The following ABCC8 variants were observed in gnomAD, a reference collection of about 807,000 sequenced individuals.
ABCC8 encodes the protein ATP-binding cassette sub-family C member 8.
ABCC8 carries 137 observed loss-of-function variants against 188.0 expected under a neutral mutation model. The observed-to-expected ratio is 0.73, with a 90% CI of 0.63 to 0.84. The LOEUF (loss-of-function observed/expected upper bound fraction) is 0.84, where lower values mean the gene tolerates loss of function less well. ABCC8 is among the 40% of genes least tolerant of loss of function. ABCC8 has a pLI of 0.00. For missense variants in ABCC8, 1,750 were observed against 2,072.7 expected (o/e 0.84, Z 3.02); for synonymous variants, 797 against 846.5 (o/e 0.94, Z 1.01).
intron 35 of ABCC8, 51 bp downstream of exon 35, chr11:17,395,559 G>A (rs1034456496): frequency 2.5e-5 from 39 of 1,538,528 alleles, no homozygotes; most frequent in Non-Finnish European, 3.1e-5. Context: ...CAGATCTGAT[G>A]GAACTGAGCC....
chr11:17,454,797 G>A (rs1956934113), intron 6 of ABCC8, among the ~76,000 whole-genome samples: 1 of 152,174 alleles, frequency 6.6e-6, no homozygotes, highest in African/African-American at 2.4e-5. Flanking sequence ...ATGAACCTGA[G>A]TGATGTCAAA....
chr11:17,471,117 T>C (rs2237967), intron 2 of ABCC8, among the ~76,000 whole-genome samples: 88,279 of 152,190 alleles, frequency 0.58, 26,908 homozygotes, highest in African/African-American at 0.77. Context: ...CTGCTACAGC[T>C]TGCTGCCTCA....
downstream of ABCC8, chr11:17,392,629 C>G (rs1357858601): frequency 5.4e-6 from 2 of 368,336 alleles, no homozygotes; most frequent in Non-Finnish European, 1.1e-5. Flanking sequence ...GGAGAGAGGC[C>G]TCAGGAGAAA....
chr11:17,447,375 G>A (rs1956578510), intron 8 of ABCC8, among the ~76,000 whole-genome samples: 1 of 152,156 alleles, frequency 6.6e-6, no homozygotes, highest in Non-Finnish European at 1.5e-5. Flanking sequence ...ACCTCTTCCT[G>A]AGCCAGCACC....
intron 6 of ABCC8, among the ~76,000 whole-genome samples, chr11:17,457,686 G>A (rs936834830): frequency 2.6e-5 from 4 of 152,130 alleles, no homozygotes; most frequent in African/African-American, 9.7e-5. Context: ...GTGGCAGCGG[G>A]GTGACAGGAG....
chr11:17,423,009 G>A (rs796986995), intron 16 of ABCC8, among the ~76,000 whole-genome samples: 9 of 152,066 alleles, frequency 5.9e-5, no homozygotes, highest in African/African-American at 2.2e-4. Context: ...TGACTGCAGA[G>A]TCAATTGTGG....
At chr11:17,431,097 C>G in intron 11 of ABCC8, 138 bp from the exon 12 acceptor site, 1 of 1,343,796 alleles carries the variant, frequency 7.4e-7, no homozygotes, top group Non-Finnish European at 1.0e-6. Context: ...GTTGGAGACA[C>G]CTTCATCATC....
rs1249235012 is a variant in ABCC8, at chr11:17,463,433, C to T, written c.579+5G>A. On this transcript the variant is annotated splice_donor_5th_base_variant and intron_variant, in intron 4 of 38. Transcript: ENST00000389817. ...ACCCCACCCTGGCCCAGGTGGCCTG[C>T]TTACCCTCACCCTGATGACATTGAC... The T allele has an allele frequency of 1.2e-6, 2 of 1,600,928 alleles. No individual in the cohort carries two copies. Among genetic ancestry groups the T allele is most frequent in the Non-Finnish European group, 1.7e-6 (2 of 1,174,070 alleles).
intron 29 of ABCC8, 116 bp from the exon 30 acceptor site, chr11:17,398,557 G>A (rs924140293): frequency 1.0e-5 from 16 of 1,551,520 alleles, no homozygotes; most frequent in African/African-American, 9.5e-5. Context: ...ACATGCCACC[G>A]TGGCCACTTC....
intron 2 of ABCC8, 45 bp from the exon 3 acceptor site, chr11:17,470,267 A>T (rs778831361): frequency 6.2e-7 from 1 of 1,612,846 alleles, no homozygotes; most frequent in Non-Finnish European, 8.5e-7. Flanking sequence ...CATGCTAAGT[A>T]CTGCAATAGA....
intron 36 of ABCC8, chr11:17,394,607 C>T (rs1953810969): frequency 3.8e-6 from 2 of 528,296 alleles, no homozygotes; most frequent in Non-Finnish European, 4.8e-6. Context: ...AGAAGGGCAC[C>T]CCTGGAGGTG....
intron 4 of ABCC8, among the ~76,000 whole-genome samples, chr11:17,462,453 T>C (rs1029290251): frequency 2.6e-5 from 4 of 152,220 alleles, no homozygotes; most frequent in African/African-American, 9.6e-5. Context: ...TTCTCACTCA[T>C]TGCTGGCAGA....
chr11:17,416,866 T>TC, intron 17 of ABCC8, 64 bp downstream of exon 17: 2 of 1,567,842 alleles, frequency 1.3e-6, no homozygotes, highest in Non-Finnish European at 1.8e-6. Flanking sequence ...CCACAAGTCC[T>TC]CCACCCCCAC....
intron 4 of ABCC8, among the ~76,000 whole-genome samples, chr11:17,462,847 C>CT (rs1371582739): frequency 1.3e-5 from 2 of 152,138 alleles, no homozygotes; most frequent in East Asian, 3.9e-4. Flanking sequence ...TGGGGGAAAC[C>CT]TACATATTCA....
rs941425272 is a variant in ABCC8 at position 17,426,195 on chromosome 11, A to G, written c.2222+854T>C. ...GAATGATTTATAATCCTTTGGGTATATACCCAGTAATGGAATTGCTGGGTC... is the reference window on the plus strand; with the variant it reads ...GAATGATTTATAATCCTTTGGGTATGTACCCAGTAATGGAATTGCTGGGTC... On this transcript the variant is annotated intron_variant, in intron 16 of 38. Coordinates refer to ENST00000389817, the MANE Select transcript of ABCC8 (RefSeq NM_000352.6). 4.6e-5 allele frequency among the ~76,000 whole-genome samples: 7 copies of G among 152,348 alleles called. No individual in the cohort carries two copies. In the East Asian group the frequency reaches 1.4e-3, roughly 29 times the overall value.
At chr11:17,416,650 C>T (rs985071805) in intron 17 of ABCC8, among the ~76,000 whole-genome samples, 4 of 152,156 alleles carry the variant, frequency 2.6e-5, no homozygotes, top group African/African-American at 9.7e-5. Context: ...AGTCTATTTT[C>T]TGACTCCATT....
chr11:17,398,007 C>G (rs756962284), intron 30 of ABCC8: 4 of 580,626 alleles, frequency 6.9e-6, no homozygotes, highest in Admixed American at 1.3e-4. Context: ...TCCCCTACCC[C>G]CTAGCCCCTG....
chr11:17,398,813 C>G (rs890695314), intron 29 of ABCC8, among the ~76,000 whole-genome samples: 8 of 152,148 alleles, frequency 5.3e-5, no homozygotes, highest in African/African-American at 1.9e-4. Flanking sequence ...CCTCCCTCCC[C>G]CTCTATCCTG....
At chr11:17,423,479 C>T (rs916827) in intron 16 of ABCC8, among the ~76,000 whole-genome samples, 56,625 of 151,454 alleles carry the variant, frequency 0.37, 12,039 homozygotes, top group East Asian at 0.56. Context: ...TCACTGTGGA[C>T]GCTGGAGAAT....
Sources: gnomAD v4.1 joint callset for allele counts (sites outside exome capture counted in the v4.1 genomes callset) on GRCh38, gnomAD v4.1.1 for gene constraint, MANE v1.5 for transcripts, NCBI Gene and HGNC (gene_info 2026-07-23, HGNC 2026-07-21) for gene names.